ARAP2: variants seen among roughly 807,000 people sequenced by gnomAD.
ARAP2 encodes the protein arf-GAP with Rho-GAP domain, ANK repeat and PH domain-containing protein 2.
In ARAP2, 148 loss-of-function variants were observed where a neutral mutation model predicts 194.5. That is an observed-to-expected ratio of 0.76 (90% confidence interval 0.67 to 0.87). ARAP2 has a LOEUF of 0.87. Among genes scored for constraint, ARAP2 ranks in the 40% least tolerant of loss-of-function variants. The pLI, the probability that ARAP2 is intolerant of heterozygous loss-of-function variation, is 0.00. For synonymous variants in ARAP2, 695 were observed against 683.5 expected, an observed-to-expected ratio of 1.02 and a Z score of -0.26; for missense variants, 2,128 against 1,989.7, an observed-to-expected ratio of 1.07 and a Z score of -1.32.
At chr4:36,052,520 T>C (rs1195904738) in intron 2 of ARAP2, among the ~76,000 whole-genome samples, 3 of 152,226 alleles carry the variant, frequency 2.0e-5, no homozygotes, top group Non-Finnish European at 2.9e-5. Context: ...TTTATTGACA[T>C]AAAAATTGCT....
intron 2 of ARAP2, 101 bp downstream of exon 2, chr4:36,228,481 T>C (rs896483548): frequency 2.0e-5 from 25 of 1,262,870 alleles, no homozygotes; most frequent in Non-Finnish European, 2.5e-5. Flanking sequence ...GGTAAATGAA[T>C]ACAGTCAAAT....
intron 15 of ARAP2, among the ~76,000 whole-genome samples, chr4:36,156,461 GA>G (rs57981714): frequency 0.71 from 68,643 of 96,278 alleles, 22,729 homozygotes; most frequent in East Asian, 0.88. Context: ...AAGAAAGAAA[GA>G]AAGAAATGAA....
chr4:36,116,695 C>T (rs1721415045), intron 25 of ARAP2, among the ~76,000 whole-genome samples: 1 of 151,822 alleles, frequency 6.6e-6, no homozygotes, highest in Non-Finnish European at 1.5e-5. Flanking sequence ...TGAATCCTCA[C>T]ATCAATGCTA....
chr4:36,006,502 T>C (rs1713306517), intron 10 of ARAP2: 1 of 152,198 alleles, frequency 6.6e-6, no homozygotes, highest in Non-Finnish European at 1.5e-5. Flanking sequence ...CAAGGATTCC[T>C]GGCCCCAAAG....
intron 1 of ARAP2, among the ~76,000 whole-genome samples, chr4:36,060,226 T>C (rs1724201869): frequency 6.6e-6 from 1 of 152,168 alleles, no homozygotes; most frequent in Non-Finnish European, 1.5e-5. Flanking sequence ...GGTCTTTCTT[T>C]GAAAGGTTCA....
intron 3 of ARAP2, among the ~76,000 whole-genome samples, chr4:36,048,654 T>C (rs1577657211): frequency 6.6e-6 from 1 of 152,274 alleles, no homozygotes; most frequent in East Asian, 1.9e-4. Flanking sequence ...TTGTGAATAG[T>C]GCTGCTATGG....
At chr4:36,082,828 A>G (rs763223046) in intron 29 of ARAP2, among the ~76,000 whole-genome samples, 10 of 152,296 alleles carry the variant, frequency 6.6e-5, no homozygotes, top group Middle Eastern at 3.4e-3. Context: ...GCTGGGGTAC[A>G]TGAAGTGTTA....
rs111908421 is a variant in ARAP2 at position 36,133,297 on chromosome 4, T to G, written c.3356A>C (p.Gln1119Pro). ...KAAGTDGNAL[Q>P]DQQLSKNDVP... ...GTCATTTTTGCTGAGCTGCTGATCT[T>G]GTAAAGCATTACCATCTGTACCTGC... Residue 1119 changes from glutamine to proline, a missense_variant, in exon 20 of 33, where the codon CAA (glutamine) becomes CCA (proline). Gln to Pro is a moderately conservative substitution (Grantham distance 76). Coordinates refer to ENST00000303965, the MANE Select transcript of ARAP2 (RefSeq NM_015230.4). 12 of 1,611,334 alleles carry G rather than the reference T, an allele frequency of 7.4e-6. No homozygotes were observed. The highest frequency in any genetic ancestry group is 1.0e-5 in the Non-Finnish European group (12 of 1,178,374).
At chr4:36,133,173 T>C (rs878930180) in intron 20 of ARAP2, 53 bp downstream of exon 20, 3 of 1,581,836 alleles carry the variant, frequency 1.9e-6, no homozygotes, top group South Asian at 2.3e-5. Flanking sequence ...TAAAAACCTG[T>C]AAGAACGATA....
chr4:36,032,545 C>T (rs1193702631), intron 5 of ARAP2, among the ~76,000 whole-genome samples: 1 of 152,048 alleles, frequency 6.6e-6, no homozygotes, highest in Non-Finnish European at 1.5e-5. Flanking sequence ...ATAATTTACT[C>T]CTCTGAAGAG....
intron 18 of ARAP2, 45 bp from the exon 19 acceptor site, chr4:36,147,404 T>A (rs749498683): frequency 2.5e-6 from 4 of 1,594,370 alleles, no homozygotes; most frequent in East Asian, 2.2e-5. Flanking sequence ...TAAAACACTG[T>A]AATAAACACC....
chr4:36,111,707 G>C (rs1269888970), intron 26 of ARAP2, among the ~76,000 whole-genome samples: 1 of 151,890 alleles, frequency 6.6e-6, no homozygotes, highest in African/African-American at 2.4e-5. Flanking sequence ...GTCATTCTGA[G>C]GGTAAACATC....
intron 9 of ARAP2, among the ~76,000 whole-genome samples, chr4:36,174,859 T>A (rs1202433347): frequency 6.6e-6 from 1 of 152,194 alleles, no homozygotes; most frequent in Admixed American, 6.5e-5. Context: ...TTGCAATAAA[T>A]GAGATTCCTC....
At chr4:36,117,624 G>GA (rs1001915286) in intron 24 of ARAP2, among the ~76,000 whole-genome samples, 27 of 151,614 alleles carry the variant, frequency 1.8e-4, no homozygotes, top group African/African-American at 6.5e-4. Flanking sequence ...AGATATGCCT[G>GA]AAAATTGAAC....
At chr4:36,131,199 G>C (rs1187458055) in intron 20 of ARAP2, among the ~76,000 whole-genome samples, 1 of 151,580 alleles carries the variant, frequency 6.6e-6, no homozygotes, top group African/African-American at 2.4e-5. Context: ...TGGCAGCATT[G>C]AGGTTTCCCC....
intron 8 of ARAP2, among the ~76,000 whole-genome samples, chr4:36,014,324 GAGAAAGAA>G (rs1181898359): frequency 0.098 from 10,752 of 109,316 alleles, 622 homozygotes; most frequent in Middle Eastern, 0.13. Context: ...GAAAGAAAGA[GAGAAAGAA>G]AGAAAGAAAG....
At chr4:36,092,077 C>T (rs1713823324) in intron 27 of ARAP2, 57 bp from the exon 28 acceptor site, 29 of 1,450,890 alleles carry the variant, frequency 2.0e-5, no homozygotes, top group Non-Finnish European at 2.5e-5. Flanking sequence ...ATTTGAAATA[C>T]AATACAAAAC....
chr4:36,028,385 T>C (rs1024513790), intron 5 of ARAP2, among the ~76,000 whole-genome samples: 1 of 152,058 alleles, frequency 6.6e-6, no homozygotes, highest in African/African-American at 2.4e-5. Context: ...AATAGCTTGA[T>C]TTAAAAATTC....
At chr4:36,127,348 C>G (rs191069089) in intron 21 of ARAP2, among the ~76,000 whole-genome samples, 21 of 152,000 alleles carry the variant, frequency 1.4e-4, no homozygotes, top group Admixed American at 1.3e-3. Flanking sequence ...TACAGTGAAC[C>G]CTACTGATTT....
Sources: allele counts gnomAD v4.1 joint callset (sites outside exome capture counted in the v4.1 genomes callset), GRCh38; gene constraint gnomAD v4.1.1; transcripts MANE v1.5; gene names NCBI Gene and HGNC (gene_info 2026-07-23, HGNC 2026-07-21).